SKA2: variants seen among roughly 807,000 people sequenced by gnomAD.
SKA2 encodes the protein spindle and kinetochore-associated protein 2.
In SKA2, 13 loss-of-function variants were observed where a neutral mutation model predicts 16.9. That is an observed-to-expected ratio of 0.77 (90% CI 0.50 to 1.22). SKA2 has a LOEUF of 1.22. Among genes scored for constraint, SKA2 ranks in the 50% most tolerant of loss-of-function variants. The pLI is 0.00. For missense variants in SKA2, 107 were observed against 139.7 expected (o/e 0.77, Z 1.18); for synonymous variants, 47 against 48.5 (o/e 0.97, Z 0.13).
At position 59,123,116 on chromosome 17, in the gene SKA2, T is replaced by C. The variant is rs1044073746; in HGVS notation, c.121-3621A>G. On this transcript the variant is annotated intron_variant, in intron 2 of 3. Coordinates refer to ENST00000330137, the MANE Select transcript of SKA2 (RefSeq NM_182620.4). ...AATTATTAGCTCTAGAAAAATAAGT[T>C]GTGAAGAAAGGAAAGCAGACACAGT... 5.4e-4 allele frequency among the ~76,000 whole-genome samples: 82 copies of C among 151,256 alleles called. 1 individual carries two copies. The highest frequency in any genetic ancestry group is 5.3e-3 in the Admixed American group (81 of 15,174).
intron 3 of SKA2, among the ~76,000 whole-genome samples, chr17:59,114,949 T>C (rs2046286508): frequency 6.6e-6 from 1 of 152,208 alleles, no homozygotes; most frequent in Non-Finnish European, 1.5e-5. Context: ...GCTGGAAATA[T>C]TCTTTATCAG....
At chr17:59,123,021 C>CAAAAAAAAAA (rs1197154280) in intron 2 of SKA2, among the ~76,000 whole-genome samples, 24 of 48,380 alleles carry the variant, frequency 5.0e-4, no homozygotes, top group East Asian at 1.3e-3. Context: ...AACCTTGTCT[C>CAAAAAAAAAA]AAAAAAAAAA....
intron 2 of SKA2, among the ~76,000 whole-genome samples, chr17:59,128,121 AG>A (rs1044439001): frequency 6.6e-6 from 1 of 152,024 alleles, no homozygotes; most frequent in African/African-American, 2.4e-5. Context: ...AGGCTGAGGC[AG>A]GAGAATCGCT....
At chr17:59,132,608 G>C (rs1416541718) in intron 1 of SKA2, among the ~76,000 whole-genome samples, 1 of 152,044 alleles carries the variant, frequency 6.6e-6, no homozygotes, top group African/African-American at 2.4e-5. Flanking sequence ...AAGTTGCAGT[G>C]AGCCAAGATT....
chr17:59,139,796 G>A (rs1005065859), intron 1 of SKA2, among the ~76,000 whole-genome samples: 2 of 152,130 alleles, frequency 1.3e-5, no homozygotes, highest in African/African-American at 4.8e-5. Context: ...TCGCCACATG[G>A]TTTCAAACAT....
chr17:59,122,388 A>G (rs1177002057), intron 2 of SKA2, among the ~76,000 whole-genome samples: 2 of 152,122 alleles, frequency 1.3e-5, no homozygotes, highest in Non-Finnish European at 2.9e-5. Flanking sequence ...AGAGGGGCAG[A>G]TCACTTGAGG....
intron 1 of SKA2, among the ~76,000 whole-genome samples, chr17:59,148,092 G>A (rs767219939): frequency 2.6e-5 from 4 of 151,508 alleles, no homozygotes; most frequent in South Asian, 2.1e-4. Context: ...TGCCCGCTTC[G>A]GCCTCCCAAA....
At chr17:59,119,953 G>A (rs529532938) in intron 2 of SKA2, among the ~76,000 whole-genome samples, 7 of 150,334 alleles carry the variant, frequency 4.7e-5, no homozygotes, top group Admixed American at 1.3e-4. Flanking sequence ...CTGTTGCCCA[G>A]GCTGGAGTGC....
At position 59,133,512 on chromosome 17, in the gene SKA2, A is replaced by C. The variant is rs371253007; in HGVS notation, c.34-2145T>G. Among the ~76,000 whole-genome samples, 9 of 152,208 alleles carry C rather than the reference A, an allele frequency of 5.9e-5. No individual in the cohort carries two copies. The East Asian group carries it at 1.7e-3, about 29-fold the overall frequency. Reference sequence around the variant, plus strand: ...ATTATGAACTTTATCACTGAACTAAAGATTGATTCTCAAAATCCTGAAGCC... The same window carrying C: ...ATTATGAACTTTATCACTGAACTAACGATTGATTCTCAAAATCCTGAAGCC... On this transcript the variant is annotated intron_variant, in intron 1 of 3. Coordinates refer to ENST00000330137, the MANE Select transcript of SKA2 (RefSeq NM_182620.4).
chr17:59,121,793 CAAAAAAAAAAAAAA>C (rs758240217), intron 2 of SKA2, among the ~76,000 whole-genome samples: 6 of 81,174 alleles, frequency 7.4e-5, no homozygotes, highest in African/African-American at 1.1e-4. Flanking sequence ...TACGAAAATA[CAAAAAAAAAAAAAA>C]AAAAAAAAAA....
rs370320683 is a variant in SKA2, at chr17:59,129,678, A to AC, written c.120+1602dup. ...TTTGAGACCAGCCTAACATGGTGAA[A>AC]CCCCATCTCTACTAAAAAATACAAA... On this transcript the variant is annotated intron_variant, in intron 2 of 3. Transcript: ENST00000330137. Among the ~76,000 whole-genome samples the AC allele has an allele frequency of 1.8e-3, 272 of 151,656 alleles. 3 individuals carry two copies. Among genetic ancestry groups the AC allele is most frequent in the African/African-American group, 6.3e-3 (261 of 41,330 alleles).
At chr17:59,123,284 T>G (rs947115910) in intron 2 of SKA2, among the ~76,000 whole-genome samples, 1 of 139,562 alleles carries the variant, frequency 7.2e-6, no homozygotes, top group African/African-American at 2.7e-5. Flanking sequence ...ATTGGCTGGG[T>G]GTGATGGCTA....
At chr17:59,126,201 A>C (rs1458231806) in intron 2 of SKA2, among the ~76,000 whole-genome samples, 1 of 151,932 alleles carries the variant, frequency 6.6e-6, no homozygotes, top group Non-Finnish European at 1.5e-5. Context: ...TAAATAAATA[A>C]ATAAATAAAT....
chr17:59,119,564 GTA>G, intron 2 of SKA2, 69 bp from the exon 3 acceptor site: 1 of 1,352,448 alleles, frequency 7.4e-7, no homozygotes. Flanking sequence ...TTAAAATACT[GTA>G]TACATACAAC....
chr17:59,135,464 C>T (rs2046438648), intron 1 of SKA2, among the ~76,000 whole-genome samples: 1 of 151,466 alleles, frequency 6.6e-6, no homozygotes, highest in African/African-American at 2.4e-5. Context: ...TACAGGCACC[C>T]GCCACCACAC....
At chr17:59,120,874 C>T (rs904415521) in intron 2 of SKA2, among the ~76,000 whole-genome samples, 4 of 152,118 alleles carry the variant, frequency 2.6e-5, no homozygotes, top group Non-Finnish European at 4.4e-5. Flanking sequence ...AGGGTTAGGC[C>T]GGGCGCAGTG....
intron 2 of SKA2, among the ~76,000 whole-genome samples, chr17:59,129,921 GA>G: frequency 8.2e-5 from 10 of 122,082 alleles, no homozygotes; most frequent in South Asian, 3.2e-4. Context: ...GGGAGGGAGG[GA>G]AGGAAGGAAG....
intron 1 of SKA2, among the ~76,000 whole-genome samples, chr17:59,145,155 CACA>C (rs2046522512): frequency 6.6e-6 from 1 of 152,158 alleles, no homozygotes; most frequent in Middle Eastern, 3.4e-3. Context: ...GTGATGGTTG[CACA>C]ACATTATGAA....
chr17:59,154,851 T>C (rs928163947), intron 1 of SKA2: 71 of 1,255,214 alleles, frequency 5.7e-5, no homozygotes, highest in Non-Finnish European at 7.8e-5. Context: ...CGCAGTTTCG[T>C]AAGGGGTGTA....
Sources: allele counts gnomAD v4.1 joint callset (sites outside exome capture counted in the v4.1 genomes callset), GRCh38; gene constraint gnomAD v4.1.1; transcripts MANE v1.5; gene names NCBI Gene and HGNC (gene_info 2026-07-23, HGNC 2026-07-21).